The following KCNIP4 variants were observed in gnomAD, a reference collection of about 807,000 sequenced individuals.
KCNIP4 encodes the protein potassium voltage-gated channel interacting protein 4.
Under a neutral mutation model 34.0 loss-of-function variants are expected in KCNIP4, and 12 were observed. That is an observed-to-expected ratio of 0.35 (90% CI 0.23 to 0.57). KCNIP4 has a LOEUF of 0.57. KCNIP4 is among the 20% of genes least tolerant of loss of function. KCNIP4 has a pLI of 0.83. For synonymous variants in KCNIP4, 124 were observed against 102.2 expected (o/e 1.21, Z -1.29); for missense variants, 238 against 311.7 (o/e 0.76, Z 1.78).
At chr4:21,727,685 C>T (rs1323306046) in intron 1 of KCNIP4, among the ~76,000 whole-genome samples, 4 of 151,792 alleles carry the variant, frequency 2.6e-5, no homozygotes, top group East Asian at 3.9e-4. Flanking sequence ...AAAAATTATC[C>T]GGGTATAGTG....
rs553184681 is a variant in KCNIP4, at chr4:21,946,650, T to C, written c.61+1921A>G. On this transcript the variant is annotated intron_variant, in intron 1 of 8. Coordinates refer to ENST00000382152, the MANE Select transcript of KCNIP4 (RefSeq NM_025221.6). ...GCAATATCAACAAGAATAAAAAAGA[T>C]AATCCAAACTATTTTTTTCTTTATT... Among the ~76,000 whole-genome samples, 12 of 152,316 alleles carry C rather than the reference T, an allele frequency of 7.9e-5. No individual in the cohort carries two copies. The South Asian group carries it at 2.3e-3, about 29-fold the overall frequency.
chr4:20,905,521 T>TTTTTTTTTTTTG (rs1488414306), intron 1 of KCNIP4, among the ~76,000 whole-genome samples: 2 of 122,622 alleles, frequency 1.6e-5, no homozygotes, highest in South Asian at 2.6e-4. Context: ...TTTTTTTTTT[T>TTTTTTTTTTTTG]TTTTGTTTGA....
intron 1 of KCNIP4, among the ~76,000 whole-genome samples, chr4:21,342,997 C>T (rs1299910963): frequency 6.6e-6 from 1 of 151,938 alleles, no homozygotes; most frequent in African/African-American, 2.4e-5. Flanking sequence ...CTTGAGTTCT[C>T]CTTCCAAGGA....
intron 3 of KCNIP4, among the ~76,000 whole-genome samples, chr4:20,786,644 G>A (rs567591981): frequency 3.5e-4 from 53 of 152,000 alleles, no homozygotes; most frequent in Non-Finnish European, 6.2e-4. Context: ...GTTCTCTTAC[G>A]AAAGTTGCAA....
chr4:21,511,124 T>C (rs1192859825), intron 1 of KCNIP4, among the ~76,000 whole-genome samples: 1 of 152,260 alleles, frequency 6.6e-6, no homozygotes, highest in Non-Finnish European at 1.5e-5. Context: ...TAATTCATAC[T>C]CTTCTCTCCT....
intron 1 of KCNIP4, among the ~76,000 whole-genome samples, chr4:21,727,601 G>T (rs961629669): frequency 1.3e-5 from 2 of 152,056 alleles, no homozygotes; most frequent in Non-Finnish European, 2.9e-5. Context: ...GGCCGAGGTG[G>T]GTAGATCACT....
intron 1 of KCNIP4, among the ~76,000 whole-genome samples, chr4:21,085,771 T>A (rs906992261): frequency 6.6e-6 from 1 of 152,206 alleles, no homozygotes; most frequent in African/African-American, 2.4e-5. Flanking sequence ...TATAAATGTA[T>A]TTTGACAAAG....
intron 1 of KCNIP4, among the ~76,000 whole-genome samples, chr4:21,729,245 C>A (rs773725260): frequency 6.6e-6 from 1 of 152,100 alleles, no homozygotes; most frequent in Non-Finnish European, 1.5e-5. Flanking sequence ...TAGTCACTTT[C>A]CACCAACAAT....
chr4:21,236,848 A>C, intron 1 of KCNIP4, among the ~76,000 whole-genome samples: 1 of 140,432 alleles, frequency 7.1e-6, no homozygotes, highest in Non-Finnish European at 1.5e-5. Context: ...CCTCTACTAA[A>C]AAAAAAAAAA....
intron 2 of KCNIP4, among the ~76,000 whole-genome samples, chr4:20,863,953 C>T (rs1298599532): frequency 6.7e-6 from 1 of 150,106 alleles, no homozygotes; most frequent in Non-Finnish European, 1.5e-5. Context: ...TATATATATA[C>T]ACACACACAT....
intron 1 of KCNIP4, among the ~76,000 whole-genome samples, chr4:21,562,791 C>T (rs1335223848): frequency 1.3e-5 from 2 of 151,890 alleles, no homozygotes; most frequent in African/African-American, 4.8e-5. Flanking sequence ...TTATCAAATT[C>T]CAGATTTTAA....
At chr4:21,515,463 C>T (rs1159518356) in intron 1 of KCNIP4, among the ~76,000 whole-genome samples, 1 of 151,938 alleles carries the variant, frequency 6.6e-6, no homozygotes, top group African/African-American at 2.4e-5. Flanking sequence ...ACGGCGAAAC[C>T]CCGTCTCTAC....
intron 1 of KCNIP4, among the ~76,000 whole-genome samples, chr4:21,822,963 C>G (rs1456544785): frequency 6.6e-6 from 1 of 152,038 alleles, no homozygotes; most frequent in African/African-American, 2.4e-5. Context: ...ATGATCCACC[C>G]TCTTCAGCCT....
At chr4:21,371,173 G>A (rs1433329992) in intron 1 of KCNIP4, among the ~76,000 whole-genome samples, 1 of 144,852 alleles carries the variant, frequency 6.9e-6, no homozygotes, top group Non-Finnish European at 1.5e-5. Context: ...CTTTGTGCTA[G>A]TAAAAATGAG....
chr4:21,261,654 C>G (rs577969053), intron 1 of KCNIP4, among the ~76,000 whole-genome samples: 3 of 152,274 alleles, frequency 2.0e-5, no homozygotes, highest in African/African-American at 7.2e-5. Context: ...TACCCAGAAA[C>G]CCAAATATTA....
intron 1 of KCNIP4, among the ~76,000 whole-genome samples, chr4:21,810,731 C>T (rs1374586576): frequency 3.4e-5 from 5 of 147,836 alleles, no homozygotes; most frequent in African/African-American, 7.4e-5. Flanking sequence ...GAGAATTTTT[C>T]CTAGTACCCA....
chr4:20,947,255 G>A (rs988549903), intron 1 of KCNIP4, among the ~76,000 whole-genome samples: 4 of 152,068 alleles, frequency 2.6e-5, no homozygotes, highest in African/African-American at 9.7e-5. Context: ...CACAACCTCC[G>A]CCTCCCAGCT....
rs115555454 is a variant in KCNIP4, at chr4:21,660,961, C to T, written c.61+287610G>A. ...AAATGAGAATAAGCATTCCTGTTTT[C>T]GTGCCCAAATGTTGCCTTTTCCAAG... On this transcript the variant is annotated intron_variant, in intron 1 of 8. Transcript: ENST00000382152. Among the ~76,000 whole-genome samples the T allele has an allele frequency of 2.7e-3, 409 of 152,192 alleles. 1 individual carries two copies. The highest frequency in any genetic ancestry group is 7.8e-3 in the African/African-American group (324 of 41,520).
chr4:21,124,037 AAAC>A (rs761547370), intron 1 of KCNIP4, among the ~76,000 whole-genome samples: 1 of 125,460 alleles, frequency 8.0e-6, no homozygotes, highest in Non-Finnish European at 1.7e-5. Flanking sequence ...AAAAACAAAA[AAAC>A]AACAAAAAAA....
Sources: allele counts gnomAD v4.1 joint callset (sites outside exome capture counted in the v4.1 genomes callset), GRCh38; gene constraint gnomAD v4.1.1; transcripts MANE v1.5; gene names NCBI Gene and HGNC (gene_info 2026-07-23, HGNC 2026-07-21).